HPD: variants seen among roughly 807,000 people sequenced by gnomAD.
The protein encoded by HPD is 4-hydroxyphenylpyruvate dioxygenase.
In HPD, 35 loss-of-function variants were observed where a neutral mutation model predicts 56.9. The observed-to-expected ratio is 0.62, with a 90% CI of 0.47 to 0.82. HPD has a LOEUF of 0.82. Ranked by LOEUF, HPD falls within the 40% of genes least tolerant of loss-of-function variation. The pLI is 0.00. For missense variants in HPD, 442 were observed against 506.8 expected (o/e 0.87, Z 1.23); for synonymous variants, 186 against 200.2 (o/e 0.93, Z 0.60).
At chr12:121,862,983 C>G (rs1055462964), upstream of HPD, among the ~76,000 whole-genome samples, 2 of 141,208 alleles carry the variant, frequency 1.4e-5, no homozygotes, top group Non-Finnish European at 3.1e-5. Flanking sequence ...CCCGGCACCC[C>G]CCCTCCTTTT....
In HPD at chr12:121,858,845, C is replaced by T. The variant is rs751183873; in HGVS notation, c.-22G>A. 6.2e-7 allele frequency: 1 copy of T among 1,614,052 alleles called. No individual in the cohort carries two copies. The highest frequency in any genetic ancestry group is 8.5e-7 in the Non-Finnish European group (1 of 1,179,926). On this transcript the variant is annotated 5_prime_UTR_variant, in exon 1 of 14. Coordinates refer to ENST00000289004, the MANE Select transcript of HPD (RefSeq NM_002150.3). Reference sequence around the variant, plus strand: ...CCATGATTGATCTTAGTCAAACCTCCTACTGGGACTAGAGGCCTGGGGAGT... The same window carrying T: ...CCATGATTGATCTTAGTCAAACCTCTTACTGGGACTAGAGGCCTGGGGAGT...
chr12:121,880,819 G>A, the HPD span, among the ~76,000 whole-genome samples: 2 of 151,976 alleles, frequency 1.3e-5, no homozygotes, highest in African/African-American at 4.8e-5. Flanking sequence ...TTATTTTCAA[G>A]GGTCTCAATC....
intron 12 of HPD, among the ~76,000 whole-genome samples, chr12:121,841,984 T>C (rs1233523670): frequency 2.0e-5 from 3 of 151,554 alleles, no homozygotes; most frequent in African/African-American, 7.3e-5. Context: ...TGCCTGGACT[T>C]TGTGATTCCT....
At chr12:121,875,786 G>C in the HPD span, among the ~76,000 whole-genome samples, 2 of 152,226 alleles carry the variant, frequency 1.3e-5, no homozygotes, top group East Asian at 3.9e-4. Flanking sequence ...GCTAAGTACA[G>C]TACATACCAA....
At chr12:121,874,000 G>GA in the HPD span, among the ~76,000 whole-genome samples, 6 of 151,928 alleles carry the variant, frequency 3.9e-5, no homozygotes, top group Admixed American at 3.9e-4. Context: ...ACAACAGCAA[G>GA]AAAAAAATCT....
the HPD span, chr12:121,874,247 T>C: frequency 6.6e-6 from 1 of 152,182 alleles, no homozygotes; most frequent in African/African-American, 2.4e-5. Flanking sequence ...AACTTGTTCT[T>C]TGTGGCTAGA....
At position 121,839,727 on chromosome 12, in the gene HPD, C is replaced by T; in HGVS notation, c.*1G>A. 1 of 1,606,542 alleles carries T rather than the reference C, an allele frequency of 6.2e-7. No homozygotes were observed. The highest frequency in any genetic ancestry group is 8.5e-7 in the Non-Finnish European group (1 of 1,173,296). On this transcript the variant is annotated 3_prime_UTR_variant, in exon 14 of 14. Coordinates refer to ENST00000289004, the MANE Select transcript of HPD (RefSeq NM_002150.3). ...TGTGGCCTCCGTGGGGTGGGCGGGG[C>T]TTACATGCCGGGCACCACCCCATTG...
chr12:121,878,017 T>C, the HPD span, among the ~76,000 whole-genome samples: 1 of 152,160 alleles, frequency 6.6e-6, no homozygotes, highest in African/African-American at 2.4e-5. Context: ...TGCCGGGCTC[T>C]GCGGGGAGGG....
At chr12:121,879,387 GCCTA>G in the HPD span, among the ~76,000 whole-genome samples, 29 of 152,080 alleles carry the variant, frequency 1.9e-4, no homozygotes, top group South Asian at 5.8e-3. Flanking sequence ...AAGAAAACAA[GCCTA>G]CTGATAATCC....
Position 121,839,642 on chromosome 12 carries a change from G to T in HPD, c.*86C>A. 1 of 1,004,630 alleles carries T rather than the reference G, an allele frequency of 1.0e-6. No individual in the cohort carries two copies. The allele number at this position is 1,004,630 out of a possible 1,614,324, so 62.2% of individuals were successfully genotyped here. ...GAGTCCGCTGGTGGGCGGGACCCAA[G>T]GGGAGCAGCCAGTAGGGAAGTTGGG... is the stretch of plus-strand genomic sequence containing the variant. On this transcript the variant is annotated 3_prime_UTR_variant, in exon 14 of 14. Transcript: ENST00000289004.
intron 2 of HPD, among the ~76,000 whole-genome samples, chr12:121,858,477 C>G (rs1878085149): frequency 6.6e-6 from 1 of 152,136 alleles, no homozygotes; most frequent in Admixed American, 6.6e-5. Flanking sequence ...AGCCACCATG[C>G]CCGGCCAGGA....
upstream of HPD, among the ~76,000 whole-genome samples, chr12:121,868,513 CTTTTTTCTTT>C (rs1227442254): frequency 9.5e-4 from 128 of 135,246 alleles, 5 homozygotes; most frequent in Admixed American, 1.0e-3. Context: ...CTATTTCTTT[CTTTTTTCTTT>C]TTTTTTTTTT....
rs755329309 is a variant in HPD, at chr12:121,839,916, CG to C, written c.1071+15del. 8.1e-6 allele frequency: 13 copies of C among 1,606,368 alleles called. No individual in the cohort carries two copies. Among genetic ancestry groups the C allele is most frequent in the Admixed American group, 3.3e-5 (2 of 59,992 alleles). Reference sequence around the variant, plus strand: ...TAGCTGCCTGTCCCCTCGGGCCTGCCGGGGACAAGCAGTACCTGGTGGTTGT... The same window carrying C: ...TAGCTGCCTGTCCCCTCGGGCCTGCCGGGACAAGCAGTACCTGGTGGTTGT... On this transcript the variant is annotated intron_variant, in intron 13 of 13. Coordinates refer to ENST00000289004, the MANE Select transcript of HPD (RefSeq NM_002150.3).
At chr12:121,858,615 AC>A in intron 2 of HPD, 71 bp downstream of exon 2, 2 of 1,414,208 alleles carry the variant, frequency 1.4e-6, no homozygotes, top group Non-Finnish European at 1.0e-6. Flanking sequence ...CTCTGCTGAA[AC>A]CCCAGTCTCC....
chr12:121,857,900 A>G (rs1878065123), intron 2 of HPD, 81 bp from the exon 3 acceptor site: 1 of 1,041,088 alleles, frequency 9.6e-7, no homozygotes, highest in Non-Finnish European at 1.5e-6. Context: ...TCCCCTAGCC[A>G]CCCTCCTTAT....
chr12:121,875,725 C>T, the HPD span, among the ~76,000 whole-genome samples: 2 of 152,052 alleles, frequency 1.3e-5, no homozygotes, highest in Non-Finnish European at 2.9e-5. Context: ...TGCACCTGGC[C>T]GGTATGGTCA....
chr12:121,840,661 G>A (rs1877377015), intron 12 of HPD, among the ~76,000 whole-genome samples: 1 of 152,010 alleles, frequency 6.6e-6, no homozygotes, highest in African/African-American at 2.4e-5. Context: ...AGTGGAAATC[G>A]GAACCCTCAT....
At chr12:121,877,151 T>G in the HPD span, among the ~76,000 whole-genome samples, 1 of 149,904 alleles carries the variant, frequency 6.7e-6, no homozygotes, top group African/African-American at 2.5e-5. Context: ...GGGATAGAAG[T>G]GAGTGACTAC....
intron 9 of HPD, among the ~76,000 whole-genome samples, chr12:121,848,254 C>T (rs1179978871): frequency 6.6e-6 from 1 of 152,098 alleles, no homozygotes; most frequent in Admixed American, 6.6e-5. Flanking sequence ...TCAGTGGCCT[C>T]AGGCTAACTC....
Sources: gnomAD v4.1 joint callset for allele counts (sites outside exome capture counted in the v4.1 genomes callset) on GRCh38, gnomAD v4.1.1 for gene constraint, MANE v1.5 for transcripts, NCBI Gene and HGNC (gene_info 2026-07-23, HGNC 2026-07-21) for gene names.